ARMH1: variants seen among roughly 807,000 people sequenced by gnomAD.
ARMH1 encodes armadillo-like helical domain containing protein 1.
A neutral mutation model predicts 50.2 loss-of-function variants in ARMH1; 34 were observed. The observed-to-expected ratio is 0.68, with a 90% CI of 0.51 to 0.90. ARMH1 has a LOEUF of 0.90. Among genes scored for constraint, ARMH1 ranks in the 40% least tolerant of loss-of-function variants. The pLI, the probability that ARMH1 is intolerant of heterozygous loss-of-function variation, is 0.00. For synonymous variants in ARMH1, 221 were observed against 224.2 expected (o/e 0.99, Z 0.13); for missense variants, 538 against 553.9 (o/e 0.97, Z 0.29).
At chr1:44,694,637 G>A (rs1311754049) in intron 2 of ARMH1, among the ~76,000 whole-genome samples, 1 of 151,414 alleles carries the variant, frequency 6.6e-6, no homozygotes, top group East Asian at 1.9e-4. Flanking sequence ...AGCCTCCCGA[G>A]TAGCTGGGAT....
Position 44,724,376 on chromosome 1 carries a change from G to T in ARMH1, c.904G>T (p.Ala302Ser). 1 of 1,550,724 alleles carries T rather than the reference G, an allele frequency of 6.4e-7. No homozygotes were observed. Among genetic ancestry groups the T allele is most frequent in the Non-Finnish European group, 8.7e-7 (1 of 1,146,920 alleles). ...SLPMFLQQAA[A>S]AKAIGVLARN... is the part of the protein sequence containing the mutation. ...GCCGATGTTTTTGCAGCAGGCCGCGGCCGCCAAGGCCATCGGGTAAGCGGG... is the reference window on the plus strand; with the variant it reads ...GCCGATGTTTTTGCAGCAGGCCGCGTCCGCCAAGGCCATCGGGTAAGCGGG... The change falls in exon 8 of 12, where the codon GCC becomes TCC. Residue 302 changes from alanine to serine, a missense_variant. Transcript: ENST00000535358. The surrounding 1 kb of genome is among the most constrained non-coding windows in gnomAD (Gnocchi z 6.4).
In ARMH1 at chr1:44,683,546, T is replaced by C. The variant is rs771777486; in HGVS notation, c.-22-6130T>C. On this transcript the variant is annotated intron_variant, in intron 1 of 11. Coordinates refer to ENST00000535358, the MANE Select transcript of ARMH1 (RefSeq NM_001145636.2). The surrounding 1 kb of genome is among the most constrained non-coding windows in gnomAD (Gnocchi z 4.2). ...GAGAGTCTGGAGTAGAACCAGGGGA[T>C]TCTGGGGTTAGGAAAAGAGTCATTC... Among the ~76,000 whole-genome samples, 7 of 152,164 alleles carry C rather than the reference T, an allele frequency of 4.6e-5. No homozygotes were observed. The highest frequency in any genetic ancestry group is 8.8e-5 in the Non-Finnish European group (6 of 68,022).
chr1:44,703,846 C>G (rs1385041134), intron 5 of ARMH1, among the ~76,000 whole-genome samples: 1 of 151,130 alleles, frequency 6.6e-6, no homozygotes, highest in Non-Finnish European at 1.5e-5. Flanking sequence ...CCTGCCTCAG[C>G]CTCAGGAGTA....
intron 6 of ARMH1, among the ~76,000 whole-genome samples, chr1:44,704,417 T>TTC (rs1366161890): frequency 1.3e-5 from 2 of 152,164 alleles, no homozygotes; most frequent in Non-Finnish European, 2.9e-5. Context: ...CCCAGTCTTA[T>TTC]GTGATGCTTC....
At chr1:44,717,478 A>C (rs746098514) in intron 6 of ARMH1, among the ~76,000 whole-genome samples, 5 of 152,158 alleles carry the variant, frequency 3.3e-5, no homozygotes, top group Non-Finnish European at 5.9e-5. Context: ...TCTCCAAGGA[A>C]TCCTTCTCCT....
chr1:44,708,348 C>T lies in ARMH1; in HGVS notation c.724+4175C>T, dbSNP rs183072507. 5.3e-5 allele frequency among the ~76,000 whole-genome samples: 8 copies of T among 152,250 alleles called. No individual in the cohort carries two copies. In the East Asian group the frequency reaches 5.8e-4, roughly 11 times the overall value. ...TGTCCAAGAGGAGCCTGAGTGACTG[C>T]GGGGAGAAGAGTTTAGTAGGTGACA... On this transcript the variant is annotated intron_variant, in intron 6 of 11. Transcript: ENST00000535358.
At position 44,689,766 on chromosome 1, in the gene ARMH1, T is replaced by G. The variant is rs1297578468; in HGVS notation, c.69T>G (p.Ala23=). The G allele has an allele frequency of 1.3e-6, 2 of 1,552,034 alleles. No individual in the cohort carries two copies. Residue 23 remains alanine, a synonymous_variant, in exon 2 of 12, where the codon GCT becomes GCG. Transcript: ENST00000535358. ...LLSFLQEWDN[A]GKVARSHILD... The stretch of plus-strand genomic sequence containing the variant: ...GTTTTTTACAGGAGTGGGACAACGC[T>G]GGCAAAGTCGCAAGGAGTCACATCC...
chr1:44,686,386 T>C (rs1645471707), intron 1 of ARMH1, among the ~76,000 whole-genome samples: 1 of 152,104 alleles, frequency 6.6e-6, no homozygotes, highest in South Asian at 2.1e-4. Flanking sequence ...TGATCAGTCA[T>C]GTTAACCTGC....
chr1:44,700,386 G>C (rs568285550), intron 4 of ARMH1, among the ~76,000 whole-genome samples: 1 of 152,152 alleles, frequency 6.6e-6, no homozygotes, highest in Non-Finnish European at 1.5e-5. Flanking sequence ...GGGAGGCCAA[G>C]GTGGGCGCAT....
intron 6 of ARMH1, among the ~76,000 whole-genome samples, chr1:44,719,342 G>A (rs189140136): frequency 2.0e-5 from 3 of 152,286 alleles, no homozygotes; most frequent in East Asian, 1.9e-4. Flanking sequence ...TGGCACAAGG[G>A]CAATTTCGAG....
At chr1:44,713,951 T>C (rs1240725566) in intron 6 of ARMH1, among the ~76,000 whole-genome samples, 3 of 152,174 alleles carry the variant, frequency 2.0e-5, no homozygotes, top group Non-Finnish European at 4.4e-5. Flanking sequence ...TTTTATTGTT[T>C]CAACATTGAG....
Position 44,704,119 on chromosome 1 carries a change from G to A in ARMH1, c.670G>A (p.Val224Met), listed in dbSNP as rs768867467. 6 of 1,550,740 alleles carry A rather than the reference G, an allele frequency of 3.9e-6. No homozygotes were observed. Among genetic ancestry groups the A allele is most frequent in the South Asian group, 2.4e-5 (2 of 84,030 alleles). ...PIIGTTHPSI[V>M]DCVLKVLGTM... ...CATTGGGACCACACACCCCAGCATC[G>A]TGGACTGCGTGCTGAAGGTGCTGGG... Residue 224 changes from valine to methionine, a missense_variant, in exon 6 of 12, where the codon GTG becomes ATG. Val to Met is a conservative substitution (Grantham distance 21, BLOSUM62 1). Coordinates refer to ENST00000535358, the MANE Select transcript of ARMH1 (RefSeq NM_001145636.2).
At chr1:44,690,987 C>T (rs934047001) in intron 2 of ARMH1, among the ~76,000 whole-genome samples, 3 of 151,486 alleles carry the variant, frequency 2.0e-5, no homozygotes, top group South Asian at 2.1e-4. Flanking sequence ...GGGCGGGGCG[C>T]GGTGACTCAC....
intron 1 of ARMH1, among the ~76,000 whole-genome samples, chr1:44,687,608 A>C (rs1030419872): frequency 6.6e-6 from 1 of 152,132 alleles, no homozygotes; most frequent in African/African-American, 2.4e-5. Context: ...CTGAGCCTTG[A>C]ACCCAGTCTG....
chr1:44,686,079 C>G (rs748141319), intron 1 of ARMH1, among the ~76,000 whole-genome samples: 2 of 152,130 alleles, frequency 1.3e-5, no homozygotes, highest in South Asian at 2.1e-4. Context: ...CAGAAAAACT[C>G]GGCAAGAGGA....
In ARMH1 at chr1:44,724,420, T is replaced by G; in HGVS notation, c.920+28T>G. 6.5e-7 allele frequency: 1 copy of G among 1,545,508 alleles called. No individual in the cohort carries two copies. Among genetic ancestry groups the G allele is most frequent in the South Asian group, 1.2e-5 (1 of 83,776 alleles). On this transcript the variant is annotated intron_variant, in intron 8 of 11. Coordinates refer to ENST00000535358, the MANE Select transcript of ARMH1 (RefSeq NM_001145636.2). This position sits in a 1 kb window ranked among gnomAD's most constrained non-coding sequence, Gnocchi z 6.4. ...AAGCGGGCAGGGGTTAGTGGGTAGC[T>G]GCAGCAAGCCTGGCTTGGCGCTGCC...
Position 44,697,084 on chromosome 1 carries a change from C to CT in ARMH1, c.207-15dup, listed in dbSNP as rs758435295. 5 of 1,547,392 alleles carry CT rather than the reference C, an allele frequency of 3.2e-6. No homozygotes were observed. The highest frequency in any genetic ancestry group is 4.4e-6 in the Non-Finnish European group (5 of 1,142,738). ...GTGAAAAACCACCCTGAAACTCACT[C>CT]TTTAACGTGTCATACAGCTATATGA... is the stretch of plus-strand genomic sequence containing the variant. On this transcript the variant is annotated splice_polypyrimidine_tract_variant and intron_variant, in intron 2 of 11. Transcript: ENST00000535358.
chr1:44,680,166 AGTTTGTTTGTTTGTTT>A (rs3044192), intron 1 of ARMH1, among the ~76,000 whole-genome samples: 2 of 151,786 alleles, frequency 1.3e-5, no homozygotes, highest in Non-Finnish European at 2.9e-5. Flanking sequence ...ATTGGGGCCA[AGTTTGTTTGTTTGTTT>A]GTTTGTTTGT....
At chr1:44,718,964 G>C (rs1349231467) in intron 6 of ARMH1, among the ~76,000 whole-genome samples, 1 of 146,718 alleles carries the variant, frequency 6.8e-6, no homozygotes, top group African/African-American at 2.6e-5. Flanking sequence ...GTCAGAGGTT[G>C]CAGTGAGCTA....
Sources: allele counts gnomAD v4.1 joint callset (sites outside exome capture counted in the v4.1 genomes callset), GRCh38; gene constraint gnomAD v4.1.1; non-coding constraint Gnocchi (gnomAD v3.1); transcripts MANE v1.5; gene names NCBI Gene and HGNC (gene_info 2026-07-23, HGNC 2026-07-21).